Variants in KIF11 observed in about 807,000 individuals in gnomAD.
The protein encoded by KIF11 is kinesin family member 11.
A neutral mutation model predicts 121.0 loss-of-function variants in KIF11; 9 were observed. The ratio of observed to expected loss-of-function variants is 0.07; its 90% CI spans 0.04 to 0.13. The LOEUF is 0.13. Among genes scored for constraint, KIF11 ranks in the 10% least tolerant of loss-of-function variants. KIF11 has a pLI of 1.00. For missense variants in KIF11, 846 were observed against 1,217.5 expected (o/e 0.69, Z 4.54); for synonymous variants, 408 against 421.0 (o/e 0.97, Z 0.38).
At chr10:92,620,037 GTCT>G (rs1844600435) in intron 9 of KIF11, among the ~76,000 whole-genome samples, 1 of 146,474 alleles carries the variant, frequency 6.8e-6, no homozygotes, top group South Asian at 2.2e-4. Flanking sequence ...AAGCAGTAGT[GTCT>G]TCTTCCATTT....
chr10:92,608,047 T>A (rs1844448435), intron 4 of KIF11, among the ~76,000 whole-genome samples: 7 of 147,586 alleles, frequency 4.7e-5, no homozygotes. Context: ...CCCAGCTACC[T>A]GAGAACGAGA....
chr10:92,603,263 CT>C (rs368046931), intron 1 of KIF11, among the ~76,000 whole-genome samples: 10,324 of 108,806 alleles, frequency 0.095, 834 homozygotes, highest in African/African-American at 0.3. Context: ...CTTTTCTTTT[CT>C]TTTTTTTTTT....
chr10:92,645,374 A>G lies in KIF11; in HGVS notation c.2279A>G (p.Asp760Gly). The G allele has an allele frequency of 6.2e-7, 1 of 1,608,808 alleles. No individual in the cohort carries two copies. Among genetic ancestry groups the G allele is most frequent in the Middle Eastern group, 1.7e-4 (1 of 5,964 alleles). ...VQENIQQKSK[D>G]IVNKMTFHSQ... ...CTCTTTTCCTATAGGAAATCTAAGG[A>G]TATAGTCAACAAAATGACTTTTCAC... The change falls in exon 18 of 22, where the codon GAT (aspartate) becomes GGT (glycine). Residue 760 changes from aspartate to glycine, a missense_variant. Asp to Gly is a moderately conservative substitution (Grantham distance 94). Transcript: ENST00000260731.
chr10:92,598,381 C>A (rs1301084024), intron 1 of KIF11, among the ~76,000 whole-genome samples: 1 of 152,142 alleles, frequency 6.6e-6, no homozygotes, highest in Non-Finnish European at 1.5e-5. Context: ...GTCTTGGCAA[C>A]CTTATTAAAA....
In KIF11 at chr10:92,630,512, T is replaced by G. The variant is rs528802381; in HGVS notation, c.1494+148T>G. 1.1e-3 allele frequency: 508 copies of G among 481,566 alleles called. 1 individual carries two copies. Among genetic ancestry groups the G allele is most frequent in the Non-Finnish European group, 1.2e-3 (332 of 283,672 alleles). 29.8% of individuals were successfully genotyped at this position (481,566 alleles called of 1,614,324 possible). A position where few individuals can be genotyped will look rare whatever the true frequency, so the allele number is the denominator to read the frequency against. ...ACATTATTTTACTATTTCATCCATGTTTTTCTCACTGGAGATGTCGACTTA... is the reference window on the plus strand; with the variant it reads ...ACATTATTTTACTATTTCATCCATGGTTTTCTCACTGGAGATGTCGACTTA... On this transcript the variant is annotated intron_variant, in intron 12 of 21. Transcript: ENST00000260731.
At chr10:92,612,984 A>G in intron 6 of KIF11, 56 bp from the exon 7 acceptor site, 1 of 963,786 alleles carries the variant, frequency 1.0e-6, no homozygotes, top group Non-Finnish European at 1.6e-6. Context: ...GTATTTCAGA[A>G]GCAGCAAATG....
At chr10:92,620,997 T>TGCTTA (rs1260789129) in intron 9 of KIF11, among the ~76,000 whole-genome samples, 38 of 152,382 alleles carry the variant, frequency 2.5e-4, no homozygotes, top group Non-Finnish European at 2.9e-5. Flanking sequence ...TAGTAGGCTT[T>TGCTTA]GCTTAGCTTA....
chr10:92,639,669 T>C (rs1844844173), intron 16 of KIF11, 125 bp from the exon 17 acceptor site: 2 of 587,962 alleles, frequency 3.4e-6, no homozygotes, highest in Non-Finnish European at 6.0e-6. Flanking sequence ...AAGTTAACTT[T>C]ATCTCTTGTC....
In KIF11 at chr10:92,637,443, A is replaced by G. The variant is rs1404313558; in HGVS notation, c.2058A>G (p.Leu686=). The change falls in exon 16 of 22, where the codon CTA becomes CTG. Residue 686 remains leucine, a synonymous_variant. Coordinates refer to ENST00000260731, the MANE Select transcript of KIF11 (RefSeq NM_004523.4). ...DGFLSILCNN[L]HELQENTICS... is the part of the protein sequence containing the mutation. Reference sequence around the variant, plus strand: ...TTCTCAGTATACTGTGTAACAATCTACATGAACTACAAGAAAATACCATTT... The same window carrying G: ...TTCTCAGTATACTGTGTAACAATCTGCATGAACTACAAGAAAATACCATTT... The G allele has an allele frequency of 1.2e-6, 2 of 1,603,690 alleles. No homozygotes were observed. Among genetic ancestry groups the G allele is most frequent in the South Asian group, 1.1e-5 (1 of 88,438 alleles).
intron 1 of KIF11, among the ~76,000 whole-genome samples, chr10:92,595,190 G>C (rs1844281251): frequency 6.6e-6 from 1 of 152,154 alleles, no homozygotes; most frequent in Non-Finnish European, 1.5e-5. Flanking sequence ...CTCTCAGGTA[G>C]CTGGGATTAC....
At chr10:92,646,493 A>T (rs889508820) in intron 18 of KIF11, among the ~76,000 whole-genome samples, 1 of 152,206 alleles carries the variant, frequency 6.6e-6, no homozygotes, top group Non-Finnish European at 1.5e-5. Context: ...TGTTTTCACT[A>T]AAAGGAACTA....
At chr10:92,615,706 C>T (rs950946853) in intron 8 of KIF11, among the ~76,000 whole-genome samples, 11 of 152,022 alleles carry the variant, frequency 7.2e-5, no homozygotes, top group African/African-American at 1.7e-4. Flanking sequence ...AATGGAATTA[C>T]GTAATAGGTA....
At chr10:92,636,253 A>C (rs761073932) in intron 14 of KIF11, among the ~76,000 whole-genome samples, 1 of 152,144 alleles carries the variant, frequency 6.6e-6, no homozygotes, top group Non-Finnish European at 1.5e-5. Context: ...TTAAAAATTT[A>C]TTTTGTTTGG....
At chr10:92,594,965 T>G (rs1856269332) in intron 1 of KIF11, among the ~76,000 whole-genome samples, 1 of 152,174 alleles carries the variant, frequency 6.6e-6, no homozygotes, top group African/African-American at 2.4e-5. Context: ...AACTTATGAG[T>G]TGCGAGGTCC....
intron 10 of KIF11, 119 bp downstream of exon 10, chr10:92,621,592 C>A: frequency 1.8e-6 from 1 of 565,444 alleles, no homozygotes; most frequent in South Asian, 2.0e-5. Flanking sequence ...ATAAATACTT[C>A]ATTTTGTGTG....
At chr10:92,619,185 T>G (rs1283526502) in intron 9 of KIF11, among the ~76,000 whole-genome samples, 1 of 151,994 alleles carries the variant, frequency 6.6e-6, no homozygotes, top group Non-Finnish European at 1.5e-5. Context: ...TCCAGATAAT[T>G]TTTTGTATTT....
At chr10:92,625,459 C>T (rs966689976) in intron 10 of KIF11, among the ~76,000 whole-genome samples, 9 of 151,896 alleles carry the variant, frequency 5.9e-5, no homozygotes, top group Admixed American at 2.6e-4. Flanking sequence ...AGCGATTCTC[C>T]TGCCTCAGCC....
intron 1 of KIF11, among the ~76,000 whole-genome samples, chr10:92,600,444 A>G (rs951605119): frequency 6.6e-6 from 1 of 152,106 alleles, no homozygotes; most frequent in African/African-American, 2.4e-5. Context: ...CCCAGCATCC[A>G]CTAGCTATTC....
chr10:92,649,520 A>T (rs1002473371), intron 19 of KIF11, among the ~76,000 whole-genome samples: 3 of 152,200 alleles, frequency 2.0e-5, no homozygotes, highest in African/African-American at 7.2e-5. Context: ...ACTCATTCCA[A>T]TAATGCTGCC....
Sources: gnomAD v4.1 joint callset for allele counts (sites outside exome capture counted in the v4.1 genomes callset) on GRCh38, gnomAD v4.1.1 for gene constraint, MANE v1.5 for transcripts, NCBI Gene and HGNC (gene_info 2026-07-23, HGNC 2026-07-21) for gene names.